The following STPG2 variants were observed in gnomAD, a reference collection of about 807,000 sequenced individuals.
STPG2 encodes sperm-tail PG-rich repeat-containing protein 2.
In STPG2, 56 loss-of-function variants were observed where a neutral mutation model predicts 54.2. The ratio of observed to expected loss-of-function variants is 1.03; its 90% CI spans 0.83 to 1.29. The LOEUF is 1.29. Among genes scored for constraint, STPG2 ranks in the 50% most tolerant of loss-of-function variants. The probability of loss-of-function intolerance (pLI) is 0.00; values close to 1 mark genes in which losing one functional copy is unlikely to be tolerated. For synonymous variants in STPG2, 200 were observed against 181.8 expected, an observed-to-expected ratio of 1.10 and a Z score of -0.81; for missense variants, 596 against 544.9, an observed-to-expected ratio of 1.09 and a Z score of -0.93.
chr4:97,786,562 T>C (rs1340629325), intron 9 of STPG2, among the ~76,000 whole-genome samples: 1 of 152,068 alleles, frequency 6.6e-6, no homozygotes, highest in Non-Finnish European at 1.5e-5. Context: ...TACATGAAAA[T>C]TTTCAGAAAT....
downstream of STPG2, among the ~76,000 whole-genome samples, chr4:97,557,406 T>C (rs1323243965): frequency 2.0e-5 from 3 of 152,290 alleles, no homozygotes; most frequent in East Asian, 3.9e-4. Flanking sequence ...TTTTTTCAAA[T>C]AAGATGTATA....
chr4:97,590,638 G>C (rs62316460), intron 10 of STPG2, among the ~76,000 whole-genome samples: 8 of 138,704 alleles, frequency 5.8e-5, no homozygotes, highest in East Asian at 4.4e-4. Flanking sequence ...CAGACACACA[G>C]ACACACACAC....
At chr4:97,997,794 T>C (rs1241416213) in intron 5 of STPG2, among the ~76,000 whole-genome samples, 1 of 152,072 alleles carries the variant, frequency 6.6e-6, no homozygotes, top group Non-Finnish European at 1.5e-5. Flanking sequence ...CACTTGTAAG[T>C]GAGAGGTAAA....
At chr4:97,741,770 T>C (rs1158839589) in intron 9 of STPG2, among the ~76,000 whole-genome samples, 1 of 151,910 alleles carries the variant, frequency 6.6e-6, no homozygotes, top group African/African-American at 2.4e-5. Flanking sequence ...TTGGTGGGAC[T>C]GTAAACTAGT....
chr4:97,518,760 T>C (rs1312697360), intron 4 of STPG2, among the ~76,000 whole-genome samples: 3 of 152,130 alleles, frequency 2.0e-5, no homozygotes, highest in Admixed American at 1.3e-4. Flanking sequence ...GAACTGCCTG[T>C]TATGTTACTT....
chr4:97,524,497 T>G (rs1731243789), intron 4 of STPG2, among the ~76,000 whole-genome samples: 1 of 151,982 alleles, frequency 6.6e-6, no homozygotes, highest in Non-Finnish European at 1.5e-5. Flanking sequence ...TTGTTTCATT[T>G]CCTTAATGTC....
intron 5 of STPG2, among the ~76,000 whole-genome samples, chr4:98,097,662 G>A (rs1055686316): frequency 2.0e-5 from 3 of 151,974 alleles, no homozygotes; most frequent in Non-Finnish European, 4.4e-5. Flanking sequence ...AAAGGCATCC[G>A]AACTGGAAAG....
chr4:97,627,883 T>C (rs1055667583), intron 10 of STPG2, among the ~76,000 whole-genome samples: 2 of 152,070 alleles, frequency 1.3e-5, no homozygotes, highest in African/African-American at 4.8e-5. Context: ...TAAGTTTTAG[T>C]TGGGAGTATG....
intron 8 of STPG2, among the ~76,000 whole-genome samples, chr4:97,923,940 G>A (rs530783635): frequency 7.2e-5 from 11 of 152,310 alleles, no homozygotes; most frequent in African/African-American, 2.6e-4. Context: ...CAGGATGTGG[G>A]TGGGGCCAGA....
In STPG2 at chr4:97,972,386, A is replaced by T. The variant is rs762257000; in HGVS notation, c.827T>A (p.Ile276Asn). ...ACTTTTCTTCTGTTTCTTTGAGCAG[A>T]TATTTCTAACACTGGCAATTATAGT... The part of the protein sequence containing the change: ...NNTIIASVRN[I>N]CSKKQKKSAF... The change falls in exon 7 of 11, where the codon ATC becomes AAC. Residue 276 changes from isoleucine (I) to asparagine (N), a missense_variant. Coordinates refer to ENST00000295268, the MANE Select transcript of STPG2 (RefSeq NM_174952.3). 1.9e-6 allele frequency: 3 copies of T among 1,607,662 alleles called. No homozygotes were observed. Among genetic ancestry groups the T allele is most frequent in the South Asian group, 1.1e-5 (1 of 90,184 alleles).
intron 3 of STPG2, among the ~76,000 whole-genome samples, chr4:98,125,167 A>G (rs906332046): frequency 4.6e-5 from 7 of 152,214 alleles, no homozygotes; most frequent in African/African-American, 1.7e-4. Context: ...TCTGAAGCCT[A>G]CTTCTATCAA....
intron 9 of STPG2, among the ~76,000 whole-genome samples, chr4:97,737,269 A>G (rs1037553994): frequency 1.6e-4 from 25 of 152,186 alleles, no homozygotes; most frequent in African/African-American, 6.0e-4. Context: ...GAAAAAACAG[A>G]GCAGAAAAAC....
At chr4:97,776,525 T>C (rs1294853079) in intron 9 of STPG2, among the ~76,000 whole-genome samples, 1 of 152,218 alleles carries the variant, frequency 6.6e-6, no homozygotes, top group African/African-American at 2.4e-5. Flanking sequence ...ATAAAGAGGC[T>C]ATTCTCTAAA....
At chr4:97,844,128 A>G (rs969422362) in intron 8 of STPG2, among the ~76,000 whole-genome samples, 4 of 151,776 alleles carry the variant, frequency 2.6e-5, no homozygotes, top group Non-Finnish European at 5.9e-5. Flanking sequence ...GAATTTTTCA[A>G]TTTCATTCAA....
chr4:97,461,307 T>C (rs1729656716), intron 4 of STPG2, among the ~76,000 whole-genome samples: 1 of 152,178 alleles, frequency 6.6e-6, no homozygotes, highest in Non-Finnish European at 1.5e-5. Flanking sequence ...AATAAAGTAG[T>C]ATAACACTGC....
At chr4:97,982,582 G>A (rs138581359) in intron 5 of STPG2, among the ~76,000 whole-genome samples, 306 of 152,108 alleles carry the variant, frequency 2.0e-3, no homozygotes, top group African/African-American at 7.1e-3. Flanking sequence ...TTCCAAATTC[G>A]TCGGCTGATC....
At chr4:97,704,568 T>C (rs897338686) in intron 10 of STPG2, among the ~76,000 whole-genome samples, 8 of 152,182 alleles carry the variant, frequency 5.3e-5, no homozygotes, top group African/African-American at 1.4e-4. Flanking sequence ...TTGTAGTCCA[T>C]GGAGAGTCAA....
chr4:97,473,914 C>T (rs941117702), intron 4 of STPG2, among the ~76,000 whole-genome samples: 1 of 152,088 alleles, frequency 6.6e-6, no homozygotes. Context: ...GGCTGAGTTT[C>T]CCCTGATAAT....
chr4:97,529,510 G>T (rs994399507), intron 4 of STPG2, among the ~76,000 whole-genome samples: 1 of 152,090 alleles, frequency 6.6e-6, no homozygotes, highest in Non-Finnish European at 1.5e-5. Flanking sequence ...GTGAGTTAGG[G>T]AGGAGTCCCT....
Sources: gnomAD v4.1 joint callset for allele counts (sites outside exome capture counted in the v4.1 genomes callset) on GRCh38, gnomAD v4.1.1 for gene constraint, MANE v1.5 for transcripts, NCBI Gene and HGNC (gene_info 2026-07-23, HGNC 2026-07-21) for gene names.